The following PDE4D variants were observed in gnomAD, a reference collection of about 807,000 sequenced individuals.
PDE4D encodes the protein 3',5'-cyclic-AMP phosphodiesterase 4D.
PDE4D carries 24 observed loss-of-function variants against 87.4 expected under a neutral mutation model. The observed-to-expected ratio is 0.27, with a 90% CI of 0.20 to 0.39. The LOEUF (loss-of-function observed/expected upper bound fraction) is 0.39. Ranked by LOEUF, PDE4D falls within the 10% of genes least tolerant of loss-of-function variation. The pLI, the probability that PDE4D is intolerant of heterozygous loss-of-function variation, is 1.00. For missense variants in PDE4D, 714 were observed against 1,041.0 expected, an observed-to-expected ratio of 0.69 and a Z score of 4.32; for synonymous variants, 384 against 383.2, an observed-to-expected ratio of 1.00 and a Z score of -0.02.
chr5:59,370,189 A>G (rs1032384616), intron 1 of PDE4D, among the ~76,000 whole-genome samples: 1 of 151,782 alleles, frequency 6.6e-6, no homozygotes, highest in African/African-American at 2.4e-5. Context: ...TCTTGCTCCT[A>G]CTCTATTCTT....
intron 1 of PDE4D, among the ~76,000 whole-genome samples, chr5:59,714,794 C>T (rs1754752564): frequency 6.6e-6 from 1 of 152,238 alleles, no homozygotes; most frequent in Admixed American, 6.5e-5. Flanking sequence ...CTCTGATTCT[C>T]TTGCAGATTT....
intron 5 of PDE4D, among the ~76,000 whole-genome samples, chr5:59,162,065 C>G (rs1781193252): frequency 6.6e-6 from 1 of 152,096 alleles, no homozygotes; most frequent in South Asian, 2.1e-4. Context: ...TGTGAATGCC[C>G]CAAATAACAA....
chr5:60,427,172 T>G (rs1390734740), intron 1 of PDE4D, among the ~76,000 whole-genome samples: 1 of 151,986 alleles, frequency 6.6e-6, no homozygotes, highest in African/African-American at 2.4e-5. Context: ...AGCTGAAAAC[T>G]TTTCAAAACG....
chr5:59,267,107 G>A (rs1227488715), intron 1 of PDE4D, among the ~76,000 whole-genome samples: 2 of 152,020 alleles, frequency 1.3e-5, no homozygotes, highest in Admixed American at 6.6e-5. Context: ...CCAGCTAGCT[G>A]GTGATCTAGC....
chr5:58,999,827 G>T (rs1750103548), intron 6 of PDE4D: 2 of 991,268 alleles, frequency 2.0e-6, no homozygotes, highest in Admixed American at 6.1e-5. Flanking sequence ...AGATCTAAGG[G>T]TCTGCATCTT....
intron 11 of PDE4D, among the ~76,000 whole-genome samples, chr5:58,982,919 T>A (rs1439648918): frequency 6.6e-6 from 1 of 152,220 alleles, no homozygotes; most frequent in Non-Finnish European, 1.5e-5. Flanking sequence ...CATTCCTTTT[T>A]TGTCCATTCA....
At chr5:59,579,486 A>G (rs999206302) in intron 1 of PDE4D, among the ~76,000 whole-genome samples, 27 of 152,266 alleles carry the variant, frequency 1.8e-4, no homozygotes, top group Admixed American at 3.3e-4. Context: ...AAGTTTAAAG[A>G]CATACAATTA....
chr5:60,097,573 G>C (rs1322591985), intron 2 of PDE4D, among the ~76,000 whole-genome samples: 1 of 151,966 alleles, frequency 6.6e-6, no homozygotes, highest in Non-Finnish European at 1.5e-5. Flanking sequence ...TTCTCTATTT[G>C]AGTATCTGAG....
intron 1 of PDE4D, among the ~76,000 whole-genome samples, chr5:60,331,086 G>T (rs761547145): frequency 1.3e-5 from 2 of 152,178 alleles, no homozygotes; most frequent in African/African-American, 4.8e-5. Flanking sequence ...GTCACCAAGT[G>T]CAAGGACCAG....
intron 1 of PDE4D, among the ~76,000 whole-genome samples, chr5:59,331,335 T>G (rs564150629): frequency 6.6e-6 from 1 of 152,304 alleles, no homozygotes; most frequent in African/African-American, 2.4e-5. Flanking sequence ...ACCTCTCCTC[T>G]TGGCTTGTAG....
intron 2 of PDE4D, among the ~76,000 whole-genome samples, chr5:60,044,248 T>C (rs187511922): frequency 1.2e-4 from 18 of 152,278 alleles, no homozygotes; most frequent in Admixed American, 3.9e-4. Context: ...TGTATCAAAA[T>C]TTCACATGTA....
At chr5:59,819,645 C>T (rs1408919717) in intron 1 of PDE4D, among the ~76,000 whole-genome samples, 1 of 152,146 alleles carries the variant, frequency 6.6e-6, no homozygotes, top group African/African-American at 2.4e-5. Context: ...TATGACTGTA[C>T]AAAATCTTCC....
chr5:59,846,574 T>G (rs185674361), intron 1 of PDE4D, among the ~76,000 whole-genome samples: 1 of 152,072 alleles, frequency 6.6e-6, no homozygotes, highest in South Asian at 2.1e-4. Context: ...GTAGACCATT[T>G]AAGATATTTG....
At chr5:60,340,145 G>T (rs772881971) in intron 1 of PDE4D, among the ~76,000 whole-genome samples, 7 of 151,970 alleles carry the variant, frequency 4.6e-5, no homozygotes, top group Middle Eastern at 3.4e-3. Context: ...GCAAAACAGG[G>T]ATCCGGGCCC....
In PDE4D at chr5:60,209,179, CT is replaced by C. The variant is rs71578644; in HGVS notation, c.-89-23493del. Among the ~76,000 whole-genome samples, 398 of 125,492 alleles carry C rather than the reference CT, an allele frequency of 3.2e-3. 8 individuals are homozygous for C. The highest frequency in any genetic ancestry group is 8.4e-3 in the South Asian group (32 of 3,826). The allele number at this position is 125,492 out of a possible 152,430, so 82.3% of individuals were successfully genotyped here. On this transcript the variant is annotated intron_variant, in intron 1 of 16. Transcript: ENST00000502484. ...CTTGTCCCCAAGGAAAGTATTTTTTCTTTTTTTCTTTTTTTTTTTTTTTTTT... is the reference window on the plus strand; with the variant it reads ...CTTGTCCCCAAGGAAAGTATTTTTTCTTTTTTCTTTTTTTTTTTTTTTTTT...
At chr5:59,416,356 A>G (rs1338950333) in intron 1 of PDE4D, among the ~76,000 whole-genome samples, 1 of 152,152 alleles carries the variant, frequency 6.6e-6, no homozygotes, top group African/African-American at 2.4e-5. Context: ...CCAGAAAACC[A>G]GGGGCTATTC....
At chr5:58,995,417 G>GA (rs1315370582) in intron 6 of PDE4D, among the ~76,000 whole-genome samples, 6 of 151,984 alleles carry the variant, frequency 3.9e-5, no homozygotes, top group African/African-American at 1.4e-4. Context: ...ATAACCTACT[G>GA]AAAAAAATAA....
chr5:60,427,977 G>A (rs746054359), intron 1 of PDE4D, among the ~76,000 whole-genome samples: 12 of 152,184 alleles, frequency 7.9e-5, no homozygotes, highest in Non-Finnish European at 1.6e-4. Flanking sequence ...TCAGGAGGCC[G>A]AGGCAGGAGG....
chr5:59,574,086 ATATATATAAATATATATT>A (rs1428335625), intron 1 of PDE4D, among the ~76,000 whole-genome samples: 12 of 2,040 alleles, frequency 5.9e-3, no homozygotes, highest in East Asian at 0.053. Flanking sequence ...ATATATATTT[ATATATATAAATATATATT>A]TATATATATA....
Sources: gnomAD v4.1 joint callset for allele counts (sites outside exome capture counted in the v4.1 genomes callset) on GRCh38, gnomAD v4.1.1 for gene constraint, MANE v1.5 for transcripts, NCBI Gene and HGNC (gene_info 2026-07-23, HGNC 2026-07-21) for gene names.